The following EIF4G2 variants were observed in gnomAD, a reference collection of about 807,000 sequenced individuals.
EIF4G2 encodes DAP-5.
A neutral mutation model predicts 117.7 loss-of-function variants in EIF4G2; 8 were observed. The ratio of observed to expected loss-of-function variants is 0.07; its 90% CI spans 0.04 to 0.12. The LOEUF is 0.12. EIF4G2 is among the 10% of genes least tolerant of loss of function. The pLI, the probability that EIF4G2 is intolerant of heterozygous loss-of-function variation, is 1.00. For missense variants in EIF4G2, 812 were observed against 1,086.2 expected (o/e 0.75, Z 3.55); for synonymous variants, 413 against 367.8 (o/e 1.12, Z -1.41).
chr11:10,806,914 T>C, intron 2 of EIF4G2, 29 bp from the exon 3 acceptor site: 3 of 1,601,572 alleles, frequency 1.9e-6, no homozygotes, highest in Non-Finnish European at 1.7e-6. Context: ...TTGTTTACTG[T>C]ATCCCAACTA....
At chr11:10,801,502 G>A (rs1377910546) in intron 14 of EIF4G2, 159 bp downstream of exon 14, 2 of 806,490 alleles carry the variant, frequency 2.5e-6, no homozygotes, top group Admixed American at 1.7e-5. Context: ...CTCACAGGAC[G>A]CTGGACATTC....
intron 4 of EIF4G2, 127 bp downstream of exon 4, chr11:10,805,780 C>A: frequency 7.2e-7 from 1 of 1,380,890 alleles, no homozygotes; most frequent in Admixed American, 1.8e-5. Flanking sequence ...AAAATTGCTA[C>A]CATGAGGATT....
At chr11:10,808,075 C>T (rs1278198003) in intron 1 of EIF4G2, 1 of 1,052,132 alleles carries the variant, frequency 9.5e-7, no homozygotes, top group African/African-American at 1.7e-5. Flanking sequence ...AGCCCGGCGC[C>T]CAGCTCTTTG....
Position 10,800,807 on chromosome 11 carries a change from G to A in EIF4G2, c.1568C>T (p.Pro523Leu). ...GGCAGGCTTTTCCTGGATAAGCGGT[G>A]GATTAGTTTTGAGACCAAGCTGAGG... is the stretch of plus-strand genomic sequence containing the variant. Residue 523 changes from proline to leucine, a missense_variant, in exon 16 of 22, where the codon CCA becomes CTA. By Grantham distance (98) the Pro-to-Leu change is moderately conservative (BLOSUM62 -3). Around this residue, in one of 4 missense-constraint regions of EIF4G2, gnomAD observed 571 missense variants for 642.3 expected, o/e 0.89. Coordinates refer to ENST00000339995, the MANE Select transcript of EIF4G2 (RefSeq NM_001418.4). 4 of 1,614,092 alleles carry A rather than the reference G, an allele frequency of 2.5e-6. No individual in the cohort carries two copies. Among genetic ancestry groups the A allele is most frequent in the Non-Finnish European group, 3.4e-6 (4 of 1,180,016 alleles).
chr11:10,801,769 T>C lies in EIF4G2; in HGVS notation c.1305A>G (p.Leu435=). Reference sequence around the variant, plus strand: ...GACTCTGGTTATGGTAGAGCTGGCTTAGCCCCTATTTCAGAAAAGGAGAAA... The same window carrying C: ...GACTCTGGTTATGGTAGAGCTGGCTCAGCCCCTATTTCAGAAAAGGAGAAA... The change falls in exon 14 of 22, where the codon CTA becomes CTG. Residue 435 remains leucine, a synonymous_variant. Coordinates refer to ENST00000339995, the MANE Select transcript of EIF4G2 (RefSeq NM_001418.4). 1 of 1,612,936 alleles carries C rather than the reference T, an allele frequency of 6.2e-7. No homozygotes were observed. The highest frequency in any genetic ancestry group is 8.5e-7 in the Non-Finnish European group (1 of 1,179,704).
chr11:10,805,785 AG>A, intron 4 of EIF4G2, 121 bp downstream of exon 4: 6 of 1,414,074 alleles, frequency 4.2e-6, no homozygotes, highest in Non-Finnish European at 5.9e-6. Flanking sequence ...TGCTACCATG[AG>A]GATTCATTAA....
chr11:10,801,733 T>A lies in EIF4G2; in HGVS notation c.1341A>T (p.Leu447Phe). The A allele has an allele frequency of 1.2e-6, 2 of 1,614,168 alleles. No homozygotes were observed. Among genetic ancestry groups the A allele is most frequent in the Non-Finnish European group, 1.7e-6 (2 of 1,180,028 alleles). Reference sequence around the variant, plus strand: ...CCTTCGACTGTCCTTGCAGCTGGGATAAGAGTCCCTGACTCTGGTTATGGT... The same window carrying A: ...CCTTCGACTGTCCTTGCAGCTGGGAAAAGAGTCCCTGACTCTGGTTATGGT... The change falls in exon 14 of 22, where the codon TTA becomes TTT. Residue 447 changes from leucine to phenylalanine, a missense_variant. By Grantham distance (22) the Leu-to-Phe change is conservative. Around this residue, in one of 4 missense-constraint regions of EIF4G2, gnomAD observed 571 missense variants for 642.3 expected, o/e 0.89. Transcript: ENST00000339995.
chr11:10,802,880 AT>A (rs1201360185), intron 11 of EIF4G2, 149 bp downstream of exon 11: 4 of 680,370 alleles, frequency 5.9e-6, no homozygotes, highest in South Asian at 2.5e-5. Context: ...AAATAAAAAA[AT>A]AAAAGTGGAA....
At position 10,804,802 on chromosome 11, in the gene EIF4G2, C is replaced by G; in HGVS notation, c.351+111G>C. 7.0e-6 allele frequency: 6 copies of G among 855,310 alleles called. No homozygotes were observed. The East Asian group carries it at 7.6e-5, about 11-fold the overall frequency. The allele number at this position is 855,310 out of a possible 1,614,324, so 53.0% of individuals were successfully genotyped here. A position where few individuals can be genotyped will look rare whatever the true frequency, so the allele number is the denominator to read the frequency against. On this transcript the variant is annotated intron_variant, in intron 5 of 21. Transcript: ENST00000339995. ...TCAGTATTCAAAAATACATACCTAT[C>G]TAACTCACACCTAAGGGTTTTAAGT...
rs759140547 is a variant in EIF4G2, at chr11:10,800,157, T to C, written c.2052A>G (p.Leu684=). The C allele has an allele frequency of 2.5e-6, 4 of 1,614,072 alleles. No individual in the cohort carries two copies. The highest frequency in any genetic ancestry group is 1.3e-5 in the African/African-American group (1 of 74,938). Reference sequence around the variant, plus strand: ...GTTCTGTTAACCATTCTCGATCTTGTAATTTAGCTAACTGCTGAAGACAAA... The same window carrying C: ...GTTCTGTTAACCATTCTCGATCTTGCAATTTAGCTAACTGCTGAAGACAAA... Residue 684 remains leucine (L), a synonymous_variant, in exon 18 of 22, where the codon TTA becomes TTG. Coordinates refer to ENST00000339995, the MANE Select transcript of EIF4G2 (RefSeq NM_001418.4).
chr11:10,804,092 A>C, intron 7 of EIF4G2, 42 bp from the exon 8 acceptor site: 1 of 1,612,596 alleles, frequency 6.2e-7, no homozygotes, highest in Non-Finnish European at 8.5e-7. Context: ...TTCAGAATTA[A>C]GCTGAAAATA....
rs753692726 is a variant in EIF4G2, at chr11:10,804,414, A to G, written c.356T>C (p.Val119Ala). ...CTTTGGCTCTTCTAGGGCTTTGTCC[A>G]CAATCTACAGAAAATGTCATTGCTT... Residue 119 changes from valine to alanine, a missense_variant, in exon 6 of 22, where the codon GTG becomes GCG. Transcript: ENST00000339995. 1 of 1,581,648 alleles carries G rather than the reference A, an allele frequency of 6.3e-7. No individual in the cohort carries two copies. Among genetic ancestry groups the G allele is most frequent in the East Asian group, 2.2e-5 (1 of 44,450 alleles).
intron 14 of EIF4G2, 165 bp downstream of exon 14, chr11:10,801,496 C>T (rs772969181): frequency 2.5e-6 from 2 of 794,320 alleles, no homozygotes; most frequent in Middle Eastern, 2.3e-4. Context: ...TCTTCGCTCA[C>T]AGGACGCTGG....
rs770959125 is a variant in EIF4G2 at position 10,799,774 on chromosome 11, C to G, written c.2120-18G>C. 3.7e-6 allele frequency: 6 copies of G among 1,606,970 alleles called. No individual in the cohort carries two copies. The Admixed American group carries it at 1.0e-4, about 27-fold the overall frequency. On this transcript the variant is annotated intron_variant, in intron 18 of 21. Transcript: ENST00000339995. Reference sequence around the variant, plus strand: ...ATCAATTTCTGAAGAGACAAAGCCACCTGCATCATCTAATAGTTCATTTTA... The same window carrying G: ...ATCAATTTCTGAAGAGACAAAGCCAGCTGCATCATCTAATAGTTCATTTTA...
At position 10,800,132 on chromosome 11, in the gene EIF4G2, G is replaced by T; in HGVS notation, c.2077C>A (p.Leu693Ile). The change falls in exon 18 of 22, where the codon CTT (leucine) becomes ATT (isoleucine). Residue 693 changes from leucine (L) to isoleucine (I), a missense_variant. By Grantham distance (5) the Leu-to-Ile change is conservative (BLOSUM62 2). Coordinates refer to ENST00000339995, the MANE Select transcript of EIF4G2 (RefSeq NM_001418.4). ...ATATTGACCTTGCTTTGTTGAAAAA[G>T]TTCTGTTAACCATTCTCGATCTTGT... The T allele has an allele frequency of 6.2e-7, 1 of 1,614,028 alleles. No homozygotes were observed. The highest frequency in any genetic ancestry group is 2.2e-5 in the East Asian group (1 of 44,884).
intron 4 of EIF4G2, among the ~76,000 whole-genome samples, 192 bp from the exon 5 acceptor site, chr11:10,805,207 G>A (rs535396110): frequency 1.3e-5 from 2 of 152,258 alleles, no homozygotes; most frequent in South Asian, 4.1e-4. Context: ...ATTTGAATTG[G>A]ACTGGGGGGT....
chr11:10,799,921 A>C, intron 18 of EIF4G2, 165 bp from the exon 19 acceptor site: 1 of 1,141,982 alleles, frequency 8.8e-7, no homozygotes, highest in South Asian at 1.6e-5. Context: ...GGATCAAATG[A>C]AAGTAGTTAA....
intron 1 of EIF4G2, chr11:10,807,582 G>A: frequency 4.9e-6 from 6 of 1,224,052 alleles, no homozygotes; most frequent in Non-Finnish European, 6.1e-6. Context: ...GATGCAAAGA[G>A]ACTTCGTAGA....
In EIF4G2 at chr11:10,800,650, G is replaced by A. The variant is rs746730858; in HGVS notation, c.1645-3C>T. On this transcript the variant is annotated splice_region_variant and splice_polypyrimidine_tract_variant and intron_variant, in intron 16 of 21. Transcript: ENST00000339995. ...AGATATTCAGTCACAACAGTTTCCT[G>A]TGAAGAACACAAGTATCTTTAATGT... The A allele has an allele frequency of 2.5e-6, 4 of 1,613,934 alleles. No homozygotes were observed. In the South Asian group the frequency reaches 4.4e-5, roughly 18 times the overall value.
Sources: gnomAD v4.1 joint callset for allele counts (sites outside exome capture counted in the v4.1 genomes callset) on GRCh38, gnomAD v4.1.1 for gene constraint, gnomAD v4.1.1 regional missense constraint, MANE v1.5 for transcripts, NCBI Gene and HGNC (gene_info 2026-07-23, HGNC 2026-07-21) for gene names.